The following ZCCHC8 variants were observed in gnomAD, a reference collection of about 807,000 sequenced individuals.
The protein encoded by ZCCHC8 is zinc finger CCHC domain-containing protein 8.
A neutral mutation model predicts 70.6 loss-of-function variants in ZCCHC8; 27 were observed. That is an observed-to-expected ratio of 0.38 (90% confidence interval 0.28 to 0.53). The LOEUF (loss-of-function observed/expected upper bound fraction) is 0.53. Among genes scored for constraint, ZCCHC8 ranks in the 20% least tolerant of loss-of-function variants. The pLI is 0.81. For synonymous variants in ZCCHC8, 293 were observed against 317.4 expected (o/e 0.92, Z 0.82); for missense variants, 737 against 876.9 (o/e 0.84, Z 2.01).
chr12:122,499,467 C>G (rs1957881665), intron 1 of ZCCHC8: 1 of 153,708 alleles, frequency 6.5e-6, no homozygotes, highest in African/African-American at 2.4e-5. Flanking sequence ...GGGGTTTCAC[C>G]ATGTTGGCCA....
chr12:122,481,301 A>C, intron 10 of ZCCHC8: 2 of 472,550 alleles, frequency 4.2e-6, no homozygotes, highest in Non-Finnish European at 7.3e-6. Context: ...ACTCTGGCCT[A>C]GACAGTACCT....
rs577214837 is a variant in ZCCHC8, at chr12:122,473,995, G to A, written c.1626C>T (p.Asp542=). 1.1e-5 allele frequency: 17 copies of A among 1,577,170 alleles called. No homozygotes were observed. The East Asian group carries it at 1.1e-4, about 10-fold the overall frequency. Residue 542 remains aspartate, a synonymous_variant, in exon 14 of 14, where the codon GAC becomes GAT. Coordinates refer to ENST00000633063, the MANE Select transcript of ZCCHC8 (RefSeq NM_017612.5). ...CAGTTAAAGGTGTGTCCACAGGAAC[G>A]TCGGAGTCGCTGTTTACGCTCTCGG... ...EQAESVNSDS[D]VPVDTPLTGN...
rs984808751 is a variant in ZCCHC8, at chr12:122,472,298, C to T, written c.*1199G>A. The T allele has an allele frequency of 6.6e-6, 1 of 151,528 alleles. No individual in the cohort carries two copies. The highest frequency in any genetic ancestry group is 1.5e-5 in the Non-Finnish European group (1 of 67,968). 9.4% of individuals were successfully genotyped at this position (151,528 alleles called of 1,614,324 possible). A position where few individuals can be genotyped will look rare whatever the true frequency, so the allele number is the denominator to read the frequency against. Reference sequence around the variant, plus strand: ...CCTCGGCTCACTGCAACCTCCCACTCCCAGGTTCAAGTGATTCTCCTGCCT... The same window carrying T: ...CCTCGGCTCACTGCAACCTCCCACTTCCAGGTTCAAGTGATTCTCCTGCCT... On this transcript the variant is annotated 3_prime_UTR_variant, in exon 14 of 14. Transcript: ENST00000633063.
At chr12:122,482,203 T>C (rs1957549668) in intron 8 of ZCCHC8, 116 bp from the exon 9 acceptor site, 1 of 1,159,582 alleles carries the variant, frequency 8.6e-7, no homozygotes, top group African/African-American at 1.6e-5. Flanking sequence ...TTTTAATGTA[T>C]AACGAACAAG....
At chr12:122,495,838 A>C (rs1957817617) in intron 2 of ZCCHC8, among the ~76,000 whole-genome samples, 1 of 111,290 alleles carries the variant, frequency 9.0e-6, no homozygotes. Flanking sequence ...ATAGAGTGAC[A>C]CTCTGTCTCA....
Position 122,479,156 on chromosome 12 carries a change from A to G in ZCCHC8, c.1141-864T>C, listed in dbSNP as rs1454402081. Reference sequence around the variant, plus strand: ...AATGGCACGATCTCGGCTCACTGCAACCTCCACCTCCTTGGTTCAAGTGAT... The same window carrying G: ...AATGGCACGATCTCGGCTCACTGCAGCCTCCACCTCCTTGGTTCAAGTGAT... On this transcript the variant is annotated intron_variant, in intron 11 of 13. Transcript: ENST00000633063. Among the ~76,000 whole-genome samples the G allele has an allele frequency of 2.0e-5, 3 of 152,068 alleles. No individual in the cohort carries two copies. In the East Asian group the frequency reaches 5.8e-4, roughly 29 times the overall value.
chr12:122,478,148 T>G lies in ZCCHC8; in HGVS notation c.1227+58A>C, dbSNP rs1957456382. On this transcript the variant is annotated intron_variant, in intron 12 of 13. Transcript: ENST00000633063. ...AAAAGGCTGTAAGACGCTAATAAAT[T>G]ACACAATCTCGCAGACACAACAACA... The G allele has an allele frequency of 2.8e-6, 4 of 1,430,000 alleles. No individual in the cohort carries two copies. The South Asian group carries it at 4.9e-5, about 17-fold the overall frequency. The allele number at this position is 1,430,000 out of a possible 1,614,324, so 88.6% of individuals were successfully genotyped here.
intron 7 of ZCCHC8, chr12:122,482,978 T>TGATC: frequency 1.9e-6 from 1 of 521,628 alleles, no homozygotes; most frequent in South Asian, 2.9e-5. Flanking sequence ...GTGAACACAT[T>TGATC]GATCATATTT....
At chr12:122,497,914 C>G (rs1206161940) in intron 2 of ZCCHC8, among the ~76,000 whole-genome samples, 1 of 151,724 alleles carries the variant, frequency 6.6e-6, no homozygotes, top group African/African-American at 2.4e-5. Context: ...GAGGCTGAGG[C>G]GGGAGGATCA....
chr12:122,480,220 A>G lies in ZCCHC8; in HGVS notation c.1110T>C (p.Phe370=), dbSNP rs773179409. The G allele has an allele frequency of 6.3e-7, 1 of 1,596,274 alleles. No homozygotes were observed. The highest frequency in any genetic ancestry group is 8.6e-7 in the Non-Finnish European group (1 of 1,168,408). The change falls in exon 11 of 14, where the codon TTT becomes TTC. Residue 370 remains phenylalanine, a synonymous_variant. Coordinates refer to ENST00000633063, the MANE Select transcript of ZCCHC8 (RefSeq NM_017612.5). ...GAATTCCTCTGGGAGTAGATATATT[A>G]AAACCAGGATAGTTGACCAATTTTG... The part of the protein sequence containing the change: ...DLSKLVNYPG[F]NISTPRGIPD...
At chr12:122,476,592 TC>T (rs1957422734) in intron 13 of ZCCHC8, among the ~76,000 whole-genome samples, 1 of 134,262 alleles carries the variant, frequency 7.4e-6, no homozygotes. Flanking sequence ...AGATCCTGTC[TC>T]AAAAAAAAAA....
At chr12:122,493,008 C>T (rs1011641578) in intron 2 of ZCCHC8, among the ~76,000 whole-genome samples, 1 of 152,022 alleles carries the variant, frequency 6.6e-6, no homozygotes, top group Non-Finnish European at 1.5e-5. Context: ...GCTGGGACCA[C>T]AGGTGCATAC....
rs1272740913 is a variant in ZCCHC8 at position 122,474,260 on chromosome 12, T to C, written c.1361A>G (p.His454Arg). The change falls in exon 14 of 14, where the codon CAT becomes CGT. Residue 454 changes from histidine to arginine, a missense_variant. Physicochemically the swap from His to Arg is conservative, Grantham distance 29. Transcript: ENST00000633063. ...MELDSDMEVPHGSQSSESFQF... is the reference protein window; with the variant it reads ...MELDSDMEVPRGSQSSESFQF... ...AAAACTTTCGCTGCTCTGAGAACCA[T>C]GTGGTACCTCCATATCTGAAGTAAG... The C allele has an allele frequency of 1.5e-5, 21 of 1,443,304 alleles. No individual in the cohort carries two copies. The highest frequency in any genetic ancestry group is 1.9e-5 in the Non-Finnish European group (21 of 1,098,344). 89.4% of individuals were successfully genotyped at this position (1,443,304 alleles called of 1,614,324 possible).
At chr12:122,479,994 T>C (rs1029492051) in intron 11 of ZCCHC8, among the ~76,000 whole-genome samples, 196 bp downstream of exon 11, 4 of 152,148 alleles carry the variant, frequency 2.6e-5, no homozygotes, top group Admixed American at 6.6e-5. Flanking sequence ...AATTTTTTCA[T>C]AGAGACAAGG....
intron 5 of ZCCHC8, among the ~76,000 whole-genome samples, chr12:122,488,080 G>A (rs1488224803): frequency 3.3e-5 from 5 of 151,380 alleles, no homozygotes; most frequent in African/African-American, 9.7e-5. Context: ...TGTCCAGGCT[G>A]GAGTGCAGTG....
intron 3 of ZCCHC8, among the ~76,000 whole-genome samples, chr12:122,491,806 C>A (rs35483694): frequency 1.6e-4 from 22 of 141,738 alleles, no homozygotes; most frequent in Admixed American, 1.5e-3. Context: ...CCAGCCTGAG[C>A]AACAAGACCG....
At chr12:122,480,609 C>G (rs1957513241) in intron 10 of ZCCHC8, 1 of 214,306 alleles carries the variant, frequency 4.7e-6, no homozygotes, top group Non-Finnish European at 9.2e-6. Flanking sequence ...ATAGCTGGTA[C>G]TACATGAACG....
intron 2 of ZCCHC8, among the ~76,000 whole-genome samples, chr12:122,497,340 G>A (rs929852588): frequency 6.6e-6 from 1 of 151,120 alleles, no homozygotes. Context: ...CCAGGAGTTC[G>A]AGACCAGCCT....
chr12:122,493,799 G>C (rs760758472), intron 2 of ZCCHC8, among the ~76,000 whole-genome samples: 6 of 152,172 alleles, frequency 3.9e-5, no homozygotes, highest in Non-Finnish European at 8.8e-5. Flanking sequence ...ATTTTTAATA[G>C]GGACGGGGTT....
Sources: gnomAD v4.1 joint callset for allele counts (sites outside exome capture counted in the v4.1 genomes callset) on GRCh38, gnomAD v4.1.1 for gene constraint, MANE v1.5 for transcripts, NCBI Gene and HGNC (gene_info 2026-07-23, HGNC 2026-07-21) for gene names.